MGAT4C: variants seen among roughly 807,000 people sequenced by gnomAD.
The protein encoded by MGAT4C is MGAT4 family member C, also known as alpha-1,3-mannosyl-glycoprotein 4-beta-N-acetylglucosaminyltransferase C.
In MGAT4C, 19 loss-of-function variants were observed where a neutral mutation model predicts 40.1. That is an observed-to-expected ratio of 0.47 (90% CI 0.33 to 0.70). The LOEUF is 0.70. Ranked by LOEUF, MGAT4C falls within the 30% of genes least tolerant of loss-of-function variation. The pLI, the probability that MGAT4C is intolerant of heterozygous loss-of-function variation, is 0.02. For synonymous variants in MGAT4C, 181 were observed against 187.1 expected (o/e 0.97, Z 0.27); for missense variants, 491 against 563.2 (o/e 0.87, Z 1.30).
At chr12:86,198,681 T>C (rs1020400740) in intron 1 of MGAT4C, among the ~76,000 whole-genome samples, 6 of 152,218 alleles carry the variant, frequency 3.9e-5, no homozygotes, top group African/African-American at 1.4e-4. Flanking sequence ...TGGTTCACTA[T>C]AGAATGATGC....
chr12:86,140,690 C>G (rs1882713597), intron 1 of MGAT4C, among the ~76,000 whole-genome samples: 1 of 152,038 alleles, frequency 6.6e-6, no homozygotes, highest in Non-Finnish European at 1.5e-5. Flanking sequence ...GTGCCCCCTA[C>G]CAACCTTCAC....
At chr12:86,320,667 G>A (rs904371259) in intron 4 of MGAT4C, among the ~76,000 whole-genome samples, 8 of 151,790 alleles carry the variant, frequency 5.3e-5, no homozygotes, top group African/African-American at 1.9e-4. Context: ...GGCAGGGCTG[G>A]GATTTATATT....
chr12:86,283,484 C>T (rs1953271113), intron 4 of MGAT4C, among the ~76,000 whole-genome samples: 1 of 151,858 alleles, frequency 6.6e-6, no homozygotes, highest in South Asian at 2.1e-4. Context: ...TAATCTAAGA[C>T]AGGACATAAG....
At chr12:86,565,602 C>T (rs1055725297) in intron 2 of MGAT4C, among the ~76,000 whole-genome samples, 7 of 152,054 alleles carry the variant, frequency 4.6e-5, no homozygotes, top group African/African-American at 1.7e-4. Flanking sequence ...TGGGCTGTAC[C>T]CAATGGCGTG....
At chr12:86,454,871 A>T (rs547949496) in intron 2 of MGAT4C, among the ~76,000 whole-genome samples, 2 of 152,120 alleles carry the variant, frequency 1.3e-5, no homozygotes, top group Non-Finnish European at 2.9e-5. Context: ...ATTTAATCCA[A>T]CAAATTTTAT....
At chr12:86,095,681 A>T (rs1873791465) in intron 1 of MGAT4C, among the ~76,000 whole-genome samples, 1 of 150,838 alleles carries the variant, frequency 6.6e-6, no homozygotes, top group Admixed American at 6.6e-5. Flanking sequence ...ACTCGTTGGC[A>T]ACTTCTTTTT....
chr12:86,277,244 C>A (rs969601271), intron 4 of MGAT4C, among the ~76,000 whole-genome samples: 3 of 152,100 alleles, frequency 2.0e-5, no homozygotes, highest in African/African-American at 4.8e-5. Context: ...TTATTCAGAT[C>A]TTTTGCCCAT....
intron 3 of MGAT4C, among the ~76,000 whole-genome samples, chr12:86,412,336 C>A (rs568706699): frequency 6.6e-6 from 1 of 152,174 alleles, no homozygotes; most frequent in African/African-American, 2.4e-5. Flanking sequence ...CCCTTGAGAG[C>A]AGCCATAGGG....
At chr12:86,683,239 G>T (rs1950013849) in intron 2 of MGAT4C, among the ~76,000 whole-genome samples, 1 of 152,086 alleles carries the variant, frequency 6.6e-6, no homozygotes, top group African/African-American at 2.4e-5. Flanking sequence ...ACAAAAGAAA[G>T]ATTCAATAAA....
chr12:86,197,173 C>G (rs1392507886), intron 1 of MGAT4C, among the ~76,000 whole-genome samples: 1 of 152,188 alleles, frequency 6.6e-6, no homozygotes, highest in Non-Finnish European at 1.5e-5. Context: ...GCCTTTCCTC[C>G]AATTTCCAAT....
intron 3 of MGAT4C, among the ~76,000 whole-genome samples, chr12:86,367,380 G>C (rs1252350810): frequency 6.6e-6 from 1 of 152,100 alleles, no homozygotes; most frequent in Non-Finnish European, 1.5e-5. Flanking sequence ...CCAGTGTTGG[G>C]GAGTATGCCA....
chr12:86,530,719 CA>C (rs2136372321), intron 2 of MGAT4C, among the ~76,000 whole-genome samples: 1 of 152,028 alleles, frequency 6.6e-6, no homozygotes, highest in East Asian at 1.9e-4. Flanking sequence ...ATAACATAAA[CA>C]ATTTGTTCAC....
intron 1 of MGAT4C, among the ~76,000 whole-genome samples, chr12:86,064,784 T>C (rs1894366629): frequency 6.6e-6 from 1 of 152,074 alleles, no homozygotes; most frequent in Non-Finnish European, 1.5e-5. Flanking sequence ...AGCTGGTTTT[T>C]TGAAAAGATC....
intron 2 of MGAT4C, among the ~76,000 whole-genome samples, chr12:86,040,705 G>T (rs1159923868): frequency 6.7e-6 from 1 of 149,810 alleles, no homozygotes; most frequent in African/African-American, 2.5e-5. Flanking sequence ...GGGCACCACT[G>T]GGGTATGGAG....
intron 3 of MGAT4C, among the ~76,000 whole-genome samples, chr12:86,357,790 A>T (rs1012968185): frequency 2.0e-5 from 3 of 152,196 alleles, no homozygotes; most frequent in African/African-American, 7.2e-5. Context: ...AAAAGAGTAA[A>T]AAGAATCGAA....
chr12:86,694,606 G>T (rs915637387), intron 2 of MGAT4C, among the ~76,000 whole-genome samples: 1 of 152,118 alleles, frequency 6.6e-6, no homozygotes, highest in Non-Finnish European at 1.5e-5. Context: ...ATAAAAATAT[G>T]TCATGTCAGG....
chr12:86,214,358 T>C (rs77170638), intron 1 of MGAT4C, among the ~76,000 whole-genome samples: 2,214 of 152,332 alleles, frequency 0.015, 48 homozygotes, highest in African/African-American at 0.051. Context: ...TTTCATTTTC[T>C]TCAGAATATT....
chr12:86,129,428 G>A (rs1880832539), intron 1 of MGAT4C, among the ~76,000 whole-genome samples: 1 of 152,068 alleles, frequency 6.6e-6, no homozygotes, highest in Non-Finnish European at 1.5e-5. Flanking sequence ...GAGAAATAAG[G>A]CTCACTAGCC....
chr12:86,640,717 C>G (rs1484398603), intron 2 of MGAT4C, among the ~76,000 whole-genome samples: 2 of 151,776 alleles, frequency 1.3e-5, no homozygotes, highest in Admixed American at 1.3e-4. Context: ...TTGGATCTTT[C>G]CTGCTTTCTC....
Sources: gnomAD v4.1 joint callset for allele counts (sites outside exome capture counted in the v4.1 genomes callset) on GRCh38, gnomAD v4.1.1 for gene constraint, MANE v1.5 for transcripts, NCBI Gene and HGNC (gene_info 2026-07-23, HGNC 2026-07-21) for gene names.